The following AK8 variants were observed in gnomAD, a reference collection of about 807,000 sequenced individuals.
AK8 encodes adenylate kinase 8.
AK8 carries 44 observed loss-of-function variants against 54.6 expected under a neutral mutation model. The observed-to-expected ratio is 0.81, with a 90% confidence interval of 0.63 to 1.04. The LOEUF (loss-of-function observed/expected upper bound fraction) is 1.04, where lower values mean the gene tolerates loss of function less well. Among genes scored for constraint, AK8 ranks in the 50% least tolerant of loss-of-function variants. The pLI is 0.00. For synonymous variants in AK8, 239 were observed against 245.6 expected (o/e 0.97, Z 0.25); for missense variants, 555 against 613.6 (o/e 0.90, Z 1.01).
chr9:132,737,220 C>T (rs1354643697), intron 11 of AK8, among the ~76,000 whole-genome samples: 2 of 152,168 alleles, frequency 1.3e-5, no homozygotes, highest in East Asian at 3.8e-4. Context: ...GAGAAGTTCT[C>T]TGACCTTGAA....
chr9:132,820,144 G>GAAAAAAAAAAAAAAAAAA, intron 9 of AK8, among the ~76,000 whole-genome samples: 1 of 72,724 alleles, frequency 1.4e-5, no homozygotes, highest in African/African-American at 5.2e-5. Context: ...AGTAAGACCC[G>GAAAAAAAAAAAAAAAAAA]AAAAAAAAAA....
chr9:132,767,299 C>A (rs1416684962), intron 11 of AK8, among the ~76,000 whole-genome samples: 1 of 152,104 alleles, frequency 6.6e-6, no homozygotes, highest in East Asian at 1.9e-4. Flanking sequence ...GGCAAATGAT[C>A]TGAATAAACA....
chr9:132,842,668 C>T (rs1842592194), intron 5 of AK8, among the ~76,000 whole-genome samples: 2 of 152,240 alleles, frequency 1.3e-5, no homozygotes, highest in Admixed American at 1.3e-4. Context: ...ACATGGTTTT[C>T]AAGGAGTCTG....
chr9:132,731,114 A>G (rs1418635578), intron 11 of AK8, among the ~76,000 whole-genome samples: 1 of 152,204 alleles, frequency 6.6e-6, no homozygotes, highest in Non-Finnish European at 1.5e-5. Flanking sequence ...AAATCCCTAA[A>G]GTCTAAATTC....
intron 11 of AK8, among the ~76,000 whole-genome samples, chr9:132,762,186 T>C (rs1337836334): frequency 6.6e-6 from 1 of 152,166 alleles, no homozygotes; most frequent in Non-Finnish European, 1.5e-5. Context: ...TCTTTTTTAA[T>C]TGATCAATAT....
chr9:132,875,097 G>A lies in AK8; in HGVS notation c.169+18C>T, dbSNP rs1438339265. ...GGAAGGGAAGACGAGGAGGGGAAGA[G>A]CCCCAGCCAGTGCTCACCATTGTCG... On this transcript the variant is annotated intron_variant, in intron 2 of 12. Coordinates refer to ENST00000298545, the MANE Select transcript of AK8 (RefSeq NM_152572.3). The A allele has an allele frequency of 6.2e-7, 1 of 1,613,740 alleles. No individual in the cohort carries two copies. The highest frequency in any genetic ancestry group is 1.7e-5 in the Admixed American group (1 of 59,980).
intron 10 of AK8, among the ~76,000 whole-genome samples, chr9:132,801,346 G>A (rs1840450127): frequency 6.6e-6 from 1 of 152,212 alleles, no homozygotes. Flanking sequence ...TATTGGAAAT[G>A]CTCGGCTAGC....
intron 10 of AK8, among the ~76,000 whole-genome samples, chr9:132,812,397 ATT>A (rs528321058): frequency 1.4e-5 from 2 of 144,088 alleles, no homozygotes; most frequent in Non-Finnish European, 1.5e-5. Flanking sequence ...CACGTGGCTA[ATT>A]TTTTTTTTTT....
intron 5 of AK8, among the ~76,000 whole-genome samples, chr9:132,842,932 G>A (rs981092203): frequency 3.3e-5 from 5 of 152,194 alleles, no homozygotes; most frequent in African/African-American, 1.2e-4. Context: ...ACTTCATCAT[G>A]CCAGCAAGGA....
At position 132,828,053 on chromosome 9, in the gene AK8, G is replaced by T. The variant is rs749386096; in HGVS notation, c.516C>A (p.Ile172=). Reference sequence around the variant, plus strand: ...CGATTCTCTTCCCCAAGTTTCTCTCGATCAGGACCGTGTCTGGAGCACTCA... The same window carrying T: ...CGATTCTCTTCCCCAAGTTTCTCTCTATCAGGACCGTGTCTGGAGCACTCA... The part of the protein sequence containing the change: ...IVLSAPDTVL[I]ERNLGKRIDP... Residue 172 remains isoleucine (I), a synonymous_variant, in exon 7 of 13, where the codon ATC becomes ATA. Transcript: ENST00000298545. 3.8e-6 allele frequency: 6 copies of T among 1,573,094 alleles called. No individual in the cohort carries two copies. In the South Asian group the frequency reaches 7.0e-5, roughly 18 times the overall value.
At chr9:132,771,109 G>A (rs1005241701) in intron 11 of AK8, among the ~76,000 whole-genome samples, 3 of 152,190 alleles carry the variant, frequency 2.0e-5, no homozygotes, top group South Asian at 2.1e-4. Flanking sequence ...GTCCGAGTCC[G>A]TCTCCACTGC....
intron 11 of AK8, among the ~76,000 whole-genome samples, chr9:132,771,434 G>A (rs1838975118): frequency 6.6e-6 from 1 of 152,228 alleles, no homozygotes; most frequent in Non-Finnish European, 1.5e-5. Flanking sequence ...ATGAAAATGT[G>A]TCGCCTTCCC....
At chr9:132,830,958 G>A (rs142897965) in intron 5 of AK8, among the ~76,000 whole-genome samples, 2 of 152,238 alleles carry the variant, frequency 1.3e-5, no homozygotes, top group East Asian at 1.9e-4. Context: ...TCCAGTGTGC[G>A]AATGATATAG....
chr9:132,778,126 C>T (rs761931613), intron 11 of AK8, among the ~76,000 whole-genome samples: 8 of 152,170 alleles, frequency 5.3e-5, no homozygotes, highest in African/African-American at 1.9e-4. Context: ...GCAGCAAACC[C>T]GTCTTTAAGA....
chr9:132,877,253 CCTCT>C (rs1396238599), intron 1 of AK8, among the ~76,000 whole-genome samples: 6 of 152,196 alleles, frequency 3.9e-5, no homozygotes, highest in Middle Eastern at 3.2e-3. Flanking sequence ...TCTTGCTCTC[CCTCT>C]ATCAGTTAAC....
At chr9:132,743,249 C>T (rs1004583622) in intron 11 of AK8, among the ~76,000 whole-genome samples, 6 of 152,270 alleles carry the variant, frequency 3.9e-5, no homozygotes, top group African/African-American at 9.6e-5. Flanking sequence ...CCTGACCTGC[C>T]GTCGGGCGGC....
intron 11 of AK8, among the ~76,000 whole-genome samples, chr9:132,777,467 G>A (rs147688935): frequency 5.3e-4 from 81 of 152,322 alleles, no homozygotes; most frequent in African/African-American, 1.8e-3. Context: ...TGCCCCTGCT[G>A]CCTCCCTGGC....
chr9:132,808,828 C>T (rs1461473415), intron 10 of AK8, among the ~76,000 whole-genome samples: 1 of 152,156 alleles, frequency 6.6e-6, no homozygotes, highest in Non-Finnish European at 1.5e-5. Flanking sequence ...CAGCAGAAGG[C>T]CAGCAGCCGG....
At chr9:132,801,629 C>T (rs1341801877) in intron 10 of AK8, among the ~76,000 whole-genome samples, 3 of 152,148 alleles carry the variant, frequency 2.0e-5, no homozygotes, top group African/African-American at 7.2e-5. Flanking sequence ...CCCACGAAAT[C>T]TGGGAGAAGA....
Sources: gnomAD v4.1 joint callset for allele counts (sites outside exome capture counted in the v4.1 genomes callset) on GRCh38, gnomAD v4.1.1 for gene constraint, MANE v1.5 for transcripts, NCBI Gene and HGNC (gene_info 2026-07-23, HGNC 2026-07-21) for gene names.